MID1: variants seen among roughly 807,000 people sequenced by gnomAD.
MID1 encodes the protein E3 ubiquitin-protein ligase Midline-1.
MID1 carries 7 observed loss-of-function variants against 40.4 expected under a neutral mutation model. The observed-to-expected ratio is 0.17, with a 90% CI of 0.10 to 0.33. The LOEUF is 0.33. MID1 is among the 10% of genes least tolerant of loss of function. MID1 has a pLI of 1.00. For synonymous variants in MID1, 229 were observed against 221.2 expected (o/e 1.04, Z -0.31); for missense variants, 367 against 558.5 (o/e 0.66, Z 3.46).
intron 1 of MID1, among the ~76,000 whole-genome samples, chrX:10,685,146 A>G (rs1324604045): frequency 9.1e-6 from 1 of 110,056 alleles, no homozygotes; most frequent in Non-Finnish European, 1.9e-5. Flanking sequence ...ATTTTATGTC[A>G]TTAAAAATTT....
intron 1 of MID1, among the ~76,000 whole-genome samples, chrX:10,745,068 T>C (rs970654712): frequency 8.9e-6 from 1 of 112,175 alleles, no homozygotes; most frequent in Non-Finnish European, 1.9e-5. Context: ...CAGTGACAAG[T>C]AAAGACATGC....
At chrX:10,558,278 G>A (rs761914655) in intron 2 of MID1, among the ~76,000 whole-genome samples, 33 of 111,379 alleles carry the variant, frequency 3.0e-4, no homozygotes, top group Middle Eastern at 9.1e-3. Context: ...ACAGGTCTCT[G>A]CTGGTCTCAC....
chrX:10,637,437 C>T (rs1486405779), intron 1 of MID1, among the ~76,000 whole-genome samples: 2 of 108,983 alleles, frequency 1.8e-5, no homozygotes, highest in Non-Finnish European at 3.8e-5. Flanking sequence ...CCAGCCTGAC[C>T]AACATGGTGA....
chrX:10,579,313 G>A (rs1006596304), intron 1 of MID1, among the ~76,000 whole-genome samples: 3 of 111,576 alleles, frequency 2.7e-5, no homozygotes, highest in African/African-American at 9.8e-5. Context: ...TGCCGCTTGG[G>A]GAAACTTTTT....
At chrX:10,555,969 C>T (rs1934103478) in intron 2 of MID1, among the ~76,000 whole-genome samples, 1 of 110,150 alleles carries the variant, frequency 9.1e-6, no homozygotes, top group Non-Finnish European at 1.9e-5. Context: ...TCAGCGCTTT[C>T]CTCCTCCTCC....
chrX:10,780,802 G>T lies in MID1; in HGVS notation c.-187+52752C>A, dbSNP rs187917365. ...TTTTCCATAGATGTGGTGGTAGGGG[G>T]ATGGTTTCAAGATGAAACTGTTCCA... On this transcript the variant is annotated intron_variant, in intron 1 of 10. Coordinates refer to the MID1 transcript ENST00000380785. 4.0e-3 allele frequency among the ~76,000 whole-genome samples: 449 copies of T among 111,737 alleles called. 5 individuals are homozygous for T. Among genetic ancestry groups the T allele is most frequent in the African/African-American group, 0.014 (429 of 30,765 alleles).
chrX:10,478,094 C>T (rs1930112045), intron 5 of MID1, among the ~76,000 whole-genome samples: 1 of 112,174 alleles, frequency 8.9e-6, no homozygotes, highest in Non-Finnish European at 1.9e-5. Context: ...AGGTACTATT[C>T]AGAGGGAAGT....
At chrX:10,811,871 A>G (rs767361818) in intron 1 of MID1, among the ~76,000 whole-genome samples, 8 of 112,067 alleles carry the variant, frequency 7.1e-5, no homozygotes, top group Non-Finnish European at 1.3e-4. Context: ...AATTTACTAT[A>G]AAAGGCCGTC....
chrX:10,459,626 GTTGAGT>G lies in MID1; in HGVS notation c.1447+14_1447+19del. On this transcript the variant is annotated intron_variant, in intron 8 of 9. Transcript: ENST00000317552. Reference sequence around the variant, plus strand: ...AGAGCAGATAAGACATGACAGCTCTGTTGAGTTCACAGCACTTACTGTTTGTCTTCA... The same window carrying G: ...AGAGCAGATAAGACATGACAGCTCTGTCACAGCACTTACTGTTTGTCTTCA... The G allele has an allele frequency of 8.3e-7, 1 of 1,207,254 alleles. No individual in the cohort carries two copies. Among genetic ancestry groups the G allele is most frequent in the Non-Finnish European group, 1.1e-6 (1 of 892,367 alleles).
At chrX:10,494,257 A>C (rs763846552) in intron 4 of MID1, among the ~76,000 whole-genome samples, 1 of 112,175 alleles carries the variant, frequency 8.9e-6, no homozygotes, top group South Asian at 3.7e-4. Context: ...AGTAATCTAA[A>C]ACATTGTACA....
At chrX:10,480,122 G>A (rs1930235363) in intron 5 of MID1, among the ~76,000 whole-genome samples, 1 of 112,185 alleles carries the variant, frequency 8.9e-6, no homozygotes, top group Non-Finnish European at 1.9e-5. Flanking sequence ...AGAGGGGACT[G>A]CAGAAACAGA....
intron 1 of MID1, among the ~76,000 whole-genome samples, chrX:10,807,906 T>C (rs1215325068): frequency 8.9e-6 from 1 of 112,342 alleles, no homozygotes; most frequent in African/African-American, 3.2e-5. Flanking sequence ...CCAGTGGGTA[T>C]CCAGGTCTCC....
chrX:10,482,442 C>T (rs1930383113), intron 5 of MID1, 38 bp downstream of exon 5: 1 of 1,199,960 alleles, frequency 8.3e-7, no homozygotes, highest in Non-Finnish European at 1.1e-6. Flanking sequence ...ATACAAGAGC[C>T]CAGCAGCCGA....
chrX:10,533,391 A>AGAAAGAAAGAAAGAAAAGAAAGAAAG (rs1156280706), intron 2 of MID1, among the ~76,000 whole-genome samples: 2 of 55,081 alleles, frequency 3.6e-5, no homozygotes, highest in African/African-American at 1.6e-4. Flanking sequence ...AGAAAGAAAG[A>AGAAAGAAAGAAAGAAAAGAAAGAAAG]AAAGAAAGAA....
At chrX:10,614,714 G>A (rs928060154) in intron 1 of MID1, among the ~76,000 whole-genome samples, 1 of 112,117 alleles carries the variant, frequency 8.9e-6, no homozygotes, top group African/African-American at 3.2e-5. Context: ...AGTGAGACCA[G>A]AAGACATCAG....
At chrX:10,631,842 T>C (rs188224635) in intron 1 of MID1, among the ~76,000 whole-genome samples, 1 of 112,121 alleles carries the variant, frequency 8.9e-6, no homozygotes, top group Admixed American at 9.4e-5. Flanking sequence ...ATGGAGACTT[T>C]TTTTCTGTCA....
intron 1 of MID1, among the ~76,000 whole-genome samples, chrX:10,687,177 A>G (rs2043104438): frequency 8.9e-6 from 1 of 112,001 alleles, no homozygotes; most frequent in Non-Finnish European, 1.9e-5. Flanking sequence ...AGGACCAAGT[A>G]ACATAGTTGG....
intron 1 of MID1, among the ~76,000 whole-genome samples, chrX:10,796,329 C>T (rs896501344): frequency 3.7e-5 from 4 of 108,095 alleles, no homozygotes; most frequent in East Asian, 5.7e-4. Context: ...TGGTATTTTA[C>T]GGTTATTGAT....
intron 1 of MID1, among the ~76,000 whole-genome samples, chrX:10,674,525 AGTAG>A (rs1180495782): frequency 8.9e-6 from 1 of 112,535 alleles, no homozygotes; most frequent in Non-Finnish European, 1.9e-5. Context: ...CTCATAAGGC[AGTAG>A]TGAAAAATGG....
Sources: allele counts gnomAD v4.1 joint callset (sites outside exome capture counted in the v4.1 genomes callset), GRCh38; gene constraint gnomAD v4.1.1; transcripts MANE v1.5; gene names NCBI Gene and HGNC (gene_info 2026-07-23, HGNC 2026-07-21).